Variants in COL6A3 observed in about 807,000 individuals in gnomAD.
COL6A3 encodes collagen type VI alpha 3 chain.
In COL6A3, 137 loss-of-function variants were observed where a neutral mutation model predicts 274.1. The observed-to-expected ratio is 0.50, with a 90% CI of 0.44 to 0.58. The LOEUF (loss-of-function observed/expected upper bound fraction) is 0.58, where lower values mean the gene tolerates loss of function less well. COL6A3 is among the 20% of genes least tolerant of loss of function. COL6A3 has a pLI of 0.00. For missense variants in COL6A3, 3,950 were observed against 4,124.9 expected (o/e 0.96, Z 1.16); for synonymous variants, 1,650 against 1,650.6 (o/e 1.00, Z 0.01).
rs1306031806 is a variant in COL6A3 at position 237,344,241 on chromosome 2, T to G, written c.7668+109A>C. 119 of 1,552,692 alleles carry G rather than the reference T, an allele frequency of 7.7e-5. No homozygotes were observed. On this transcript the variant is annotated intron_variant, in intron 36 of 43. Coordinates refer to ENST00000295550, the MANE Select transcript of COL6A3 (RefSeq NM_004369.4). The surrounding 1 kb of genome is among the most constrained non-coding windows in gnomAD (Gnocchi z 4.8). ...CAGGCAGATGGCCTCATTGGGGACG[T>G]TTTAGGAGCTATGGGACATGAAGCC...
At chr2:237,355,469 G>C (rs2077298273) in intron 23 of COL6A3, 1 of 152,928 alleles carries the variant, frequency 6.5e-6, no homozygotes, top group African/African-American at 2.4e-5. Context: ...CTTAGGTAGG[G>C]CTCACGACTT....
intron 5 of COL6A3, 138 bp from the exon 6 acceptor site, chr2:237,379,373 A>C: frequency 1.9e-6 from 2 of 1,079,676 alleles, no homozygotes; most frequent in Non-Finnish European, 2.8e-6. Flanking sequence ...CCATCTTGTA[A>C]AATATGGCAG....
chr2:237,375,355 G>A (rs1046079161), intron 7 of COL6A3, among the ~76,000 whole-genome samples: 4 of 152,172 alleles, frequency 2.6e-5, no homozygotes, highest in East Asian at 1.9e-4. Context: ...GGGGCCAGGA[G>A]GCAAGGAATG....
intron 9 of COL6A3, among the ~76,000 whole-genome samples, chr2:237,369,417 T>C (rs1156866146): frequency 6.6e-6 from 1 of 152,252 alleles, no homozygotes; most frequent in Non-Finnish European, 1.5e-5. Context: ...GAATTTACTC[T>C]ATTTAAATTT....
At chr2:237,370,885 A>G (rs2077670245) in intron 9 of COL6A3, among the ~76,000 whole-genome samples, 1 of 152,166 alleles carries the variant, frequency 6.6e-6, no homozygotes, top group Non-Finnish European at 1.5e-5. Flanking sequence ...TGTGATCACA[A>G]TGGGGCAAGA....
chr2:237,334,835 A>G lies in COL6A3; in HGVS notation c.9020T>C (p.Leu3007Pro). Residue 3007 changes from leucine to proline, a missense_variant, in exon 41 of 44, where the codon CTC becomes CCC. Physicochemically the swap from Leu to Pro is moderately conservative, Grantham distance 98 (BLOSUM62 -3). This residue lies in a region of COL6A3 where 1,284 missense variants were observed against 1,349.7 expected (regional missense o/e 0.95). Transcript: ENST00000295550. ...GGGGGGCTCAGCCCTCTCCCAGTGG[A>G]GTTTGGCGCTGTTCTCTGTTATCTC... ...VFEITENSAK[L>P]HWERAEPPGP... The G allele has an allele frequency of 6.2e-7, 1 of 1,614,134 alleles. No homozygotes were observed.
Position 237,377,183 on chromosome 2 carries a change from C to T in COL6A3, c.2659G>A (p.Glu887Lys). 6.2e-7 allele frequency: 1 copy of T among 1,614,166 alleles called. No individual in the cohort carries two copies. The highest frequency in any genetic ancestry group is 8.5e-7 in the Non-Finnish European group (1 of 1,180,028). Residue 887 changes from glutamate (E) to lysine (K), a missense_variant, in exon 7 of 44, where the codon GAG becomes AAG. By Grantham distance (56) the Glu-to-Lys change is moderately conservative. Transcript: ENST00000295550. ...CTCTGGTGCTCATCAAAACGGGACT[C>T]CACCTTGACATCATCGCTGTACTGA... ...VAQYSDDVKV[E>K]SRFDEHQSKP...
intron 25 of COL6A3, 38 bp downstream of exon 25, chr2:237,353,303 A>G (rs1482818379): frequency 6.3e-7 from 1 of 1,597,030 alleles, no homozygotes; most frequent in African/African-American, 1.3e-5. Context: ...GATTTGTGAA[A>G]TATCAGAGGG....
chr2:237,397,024 T>TAGATAGAC (rs1553566331), intron 1 of COL6A3, among the ~76,000 whole-genome samples, 177 bp from the exon 2 acceptor site: 1 of 150,036 alleles, frequency 6.7e-6, no homozygotes. Context: ...AGATGATAGA[T>TAGATAGAC]AGATAGATAG....
chr2:237,379,120 A>G lies in COL6A3; in HGVS notation c.2013T>C (p.Ile671=), dbSNP rs1203479603. The change falls in exon 6 of 44, where the codon ATT becomes ATC. Residue 671 remains isoleucine, a synonymous_variant. Coordinates refer to ENST00000295550, the MANE Select transcript of COL6A3 (RefSeq NM_004369.4). The part of the protein sequence containing the change: ...FVMNLVNSLD[I]GNDNIRVGLV... ...AACCAACACGAATATTGTCATTTCC[A>G]ATATCAAGGCTGTTAACTAGGTTCA... The G allele has an allele frequency of 1.2e-6, 2 of 1,614,252 alleles. No homozygotes were observed. The highest frequency in any genetic ancestry group is 2.2e-5 in the South Asian group (2 of 91,086).
chr2:237,353,047 A>G (rs1241407831), intron 25 of COL6A3, among the ~76,000 whole-genome samples: 2 of 152,210 alleles, frequency 1.3e-5, no homozygotes, highest in Admixed American at 6.5e-5. Flanking sequence ...AAATGATTCC[A>G]TTTATACAAA....
In COL6A3 at chr2:237,374,887, G is replaced by C; in HGVS notation, c.3204C>G (p.Ala1068=). 1 of 1,613,840 alleles carries C rather than the reference G, an allele frequency of 6.2e-7. No individual in the cohort carries two copies. The highest frequency in any genetic ancestry group is 8.5e-7 in the Non-Finnish European group (1 of 1,179,994). Residue 1068 remains alanine, a synonymous_variant, in exon 8 of 44, where the codon GCC becomes GCG. Coordinates refer to ENST00000295550, the MANE Select transcript of COL6A3 (RefSeq NM_004369.4). The surrounding 1 kb of genome is among the most constrained non-coding windows in gnomAD (Gnocchi z 4.8). ...TGGTCCGGTCGCTGTACTGCACCAC[G>C]GCCACGCGGACCCGGTCCTGGCCCA... ...LDVGQDRVRV[A]VVQYSDRTRP...
At chr2:237,372,360 G>T in intron 8 of COL6A3, 23 bp from the exon 9 acceptor site, 1 of 1,601,474 alleles carries the variant, frequency 6.2e-7, no homozygotes, top group Non-Finnish European at 8.5e-7. Context: ...TGTGAGCATG[G>T]CTTCACCTTC....
Position 237,387,899 on chromosome 2 carries a change from T to A in COL6A3, c.995A>T (p.Asn332Ile). 6.2e-7 allele frequency: 1 copy of A among 1,614,118 alleles called. No individual in the cohort carries two copies. The highest frequency in any genetic ancestry group is 8.5e-7 in the Non-Finnish European group (1 of 1,179,990). The change falls in exon 4 of 44, where the codon AAC (asparagine) becomes ATC (isoleucine). Residue 332 changes from asparagine (N) to isoleucine (I), a missense_variant. Asn to Ile is a moderately radical substitution (Grantham distance 149). This residue lies in a region of COL6A3 where 1,934 missense variants were observed against 1,984.3 expected (regional missense o/e 0.97). Transcript: ENST00000295550. Reference protein sequence around the residue: ...IGLALDFVVENHFTRAGGSRV... With the variant: ...IGLALDFVVEIHFTRAGGSRV... The stretch of plus-strand genomic sequence containing the variant: ...GCTGCCCCCTGCCCGGGTGAAGTGG[T>A]TCTCCACCACGAAATCAAGGGCGAG...
rs2077611451 is a variant in COL6A3, at chr2:237,368,687, C to A, written c.4776G>T (p.Leu1592=). 5.0e-6 allele frequency: 8 copies of A among 1,614,100 alleles called. No individual in the cohort carries two copies. Among genetic ancestry groups the A allele is most frequent in the Non-Finnish European group, 6.8e-6 (8 of 1,180,010 alleles). Residue 1592 remains leucine (L), a synonymous_variant, in exon 10 of 44, where the codon CTG becomes CTT. Transcript: ENST00000295550. The surrounding 1 kb of genome is among the most constrained non-coding windows in gnomAD (Gnocchi z 4.4). ...ELQTITNDPR[L]VFTVREFREL... ...CTCTGAACTCTCGCACTGTGAAGAC[C>A]AGTCTGGGGTCATTGGTGATGGTCT...
At chr2:237,334,542 T>G (rs1394858319) in intron 41 of COL6A3, 84 bp downstream of exon 41, 2 of 1,446,688 alleles carry the variant, frequency 1.4e-6, no homozygotes, top group Non-Finnish European at 1.9e-6. Flanking sequence ...TCAGAATAGA[T>G]TCAATAAGTA....
At chr2:237,394,560 G>A in intron 3 of COL6A3, 27 bp downstream of exon 3, 1 of 1,613,274 alleles carries the variant, frequency 6.2e-7, no homozygotes, top group Non-Finnish European at 8.5e-7. Flanking sequence ...AGCAGGGCAG[G>A]GCGTAGCTTG....
chr2:237,344,766 A>C lies in COL6A3; in HGVS notation c.7252T>G (p.Phe2418Val), dbSNP rs1354149457. The C allele has an allele frequency of 3.7e-6, 6 of 1,602,704 alleles. No individual in the cohort carries two copies. The highest frequency in any genetic ancestry group is 5.1e-6 in the Non-Finnish European group (6 of 1,174,866). ...DTSEGVNQDT[F>V]GRMRDVVLSI... Reference sequence around the variant, plus strand: ...AAGACCACATCTCGCATCCGGCCGAAAGTGTCTTGGTTGACTCCCTCAGAG... The same window carrying C: ...AAGACCACATCTCGCATCCGGCCGACAGTGTCTTGGTTGACTCCCTCAGAG... Residue 2418 changes from phenylalanine (F) to valine (V), a missense_variant, in exon 36 of 44, where the codon TTC becomes GTC. Phe to Val is a conservative substitution (Grantham distance 50). Around this residue, in one of 5 missense-constraint regions of COL6A3, gnomAD observed 1,284 missense variants for 1,349.7 expected, o/e 0.95. Coordinates refer to ENST00000295550, the MANE Select transcript of COL6A3 (RefSeq NM_004369.4). The surrounding 1 kb of genome is among the most constrained non-coding windows in gnomAD (Gnocchi z 4.8).
At chr2:237,402,874 T>A (rs1174939408) in intron 1 of COL6A3, among the ~76,000 whole-genome samples, 2 of 152,182 alleles carry the variant, frequency 1.3e-5, no homozygotes, top group Non-Finnish European at 2.9e-5. Flanking sequence ...CTGCAAGTCT[T>A]CATGGTTGTC....
Sources: gnomAD v4.1 joint callset for allele counts (sites outside exome capture counted in the v4.1 genomes callset) on GRCh38, gnomAD v4.1.1 for gene constraint, gnomAD v4.1.1 regional missense constraint, Gnocchi (gnomAD v3.1) non-coding constraint, MANE v1.5 for transcripts, NCBI Gene and HGNC (gene_info 2026-07-23, HGNC 2026-07-21) for gene names.